The following CADPS variants were observed in gnomAD, a reference collection of about 807,000 sequenced individuals.
CADPS encodes calcium dependent secretion activator.
Under a neutral mutation model 167.3 loss-of-function variants are expected in CADPS, and 57 were observed. That is an observed-to-expected ratio of 0.34 (90% CI 0.28 to 0.42). CADPS has a LOEUF of 0.42. CADPS is among the 20% of genes least tolerant of loss of function. The pLI is 1.00. For synonymous variants in CADPS, 676 were observed against 635.3 expected, an observed-to-expected ratio of 1.06 and a Z score of -0.96; for missense variants, 1,414 against 1,738.1, an observed-to-expected ratio of 0.81 and a Z score of 3.32.
chr3:62,570,727 T>A (rs945743151), intron 9 of CADPS, 145 bp downstream of exon 9: 2 of 676,118 alleles, frequency 3.0e-6, no homozygotes, highest in Non-Finnish European at 5.3e-6. Context: ...CTCCTCTGAA[T>A]GGTGGTTACA....
chr3:62,448,623 G>GT (rs796748193), intron 26 of CADPS, among the ~76,000 whole-genome samples: 1 of 130,280 alleles, frequency 7.7e-6, no homozygotes, highest in African/African-American at 2.7e-5. Context: ...AACTTTTTTG[G>GT]GGGGGGGTGG....
At chr3:62,608,240 GA>G (rs1172426856) in intron 6 of CADPS, among the ~76,000 whole-genome samples, 7 of 145,878 alleles carry the variant, frequency 4.8e-5, no homozygotes, top group South Asian at 2.2e-4. Context: ...AACTATCTTT[GA>G]AAAAAAAATA....
At chr3:62,668,790 T>G (rs1372219816) in intron 3 of CADPS, among the ~76,000 whole-genome samples, 1 of 152,004 alleles carries the variant, frequency 6.6e-6, no homozygotes, top group Non-Finnish European at 1.5e-5. Context: ...AAATACAGAG[T>G]GGGCTCTGGG....
At chr3:62,808,879 C>G (rs780344002) in intron 1 of CADPS, among the ~76,000 whole-genome samples, 1 of 152,146 alleles carries the variant, frequency 6.6e-6, no homozygotes, top group Non-Finnish European at 1.5e-5. Context: ...ACAACCCAAA[C>G]AGAATTCTGG....
intron 1 of CADPS, among the ~76,000 whole-genome samples, chr3:62,859,223 T>C (rs2080292078): frequency 6.6e-6 from 1 of 152,186 alleles, no homozygotes; most frequent in Non-Finnish European, 1.5e-5. Context: ...AATTTATTTA[T>C]TGCCAGGTCA....
At chr3:62,772,266 A>C (rs186534813) in intron 1 of CADPS, among the ~76,000 whole-genome samples, 1 of 152,128 alleles carries the variant, frequency 6.6e-6, no homozygotes, top group African/African-American at 2.4e-5. Flanking sequence ...TCCTTACCTC[A>C]TTCTTTCTTG....
At chr3:62,834,195 G>C (rs1430260298) in intron 1 of CADPS, among the ~76,000 whole-genome samples, 4 of 152,132 alleles carry the variant, frequency 2.6e-5, no homozygotes, top group African/African-American at 4.8e-5. Context: ...ATGAAGAGGT[G>C]CTCTTCTAGA....
chr3:62,724,745 TC>T (rs914173718), intron 3 of CADPS, among the ~76,000 whole-genome samples: 1 of 152,172 alleles, frequency 6.6e-6, no homozygotes, highest in African/African-American at 2.4e-5. Context: ...CATCCTCATT[TC>T]CCCAACTCAT....
chr3:62,435,953 T>C (rs960495633), intron 28 of CADPS, among the ~76,000 whole-genome samples: 1 of 145,970 alleles, frequency 6.9e-6, no homozygotes, highest in African/African-American at 2.6e-5. Context: ...CTTTTTACTA[T>C]TAATTTACTA....
chr3:62,751,588 A>G (rs2082711892), intron 3 of CADPS, among the ~76,000 whole-genome samples: 1 of 151,908 alleles, frequency 6.6e-6, no homozygotes, highest in Admixed American at 6.6e-5. Flanking sequence ...ATGCCTGGCT[A>G]ATTTTTGTAT....
Position 62,648,101 on chromosome 3 carries a change from T to G in CADPS, c.1204-2258A>C, listed in dbSNP as rs992831355. On this transcript the variant is annotated intron_variant, in intron 5 of 29. Transcript: ENST00000383710. ...CAAGCTGCAAATTCAAATCCTAGTC[T>G]GCCCTGATGAGATGACAATCCTTTC... Among the ~76,000 whole-genome samples, 3 of 152,182 alleles carry G rather than the reference T, an allele frequency of 2.0e-5. No individual in the cohort carries two copies. The South Asian group carries it at 6.2e-4, about 32-fold the overall frequency.
intron 18 of CADPS, among the ~76,000 whole-genome samples, chr3:62,494,822 T>C (rs1378469478): frequency 1.3e-5 from 2 of 149,500 alleles, no homozygotes; most frequent in Non-Finnish European, 3.0e-5. Context: ...TTTTTTGTTG[T>C]TTGTTTGTTT....
Position 62,501,344 on chromosome 3 carries a change from T to A in CADPS, c.2600-2076A>T, listed in dbSNP as rs938303372. ...ATTTCATTCGTAGACTTTCAGGCAT[T>A]TCTACAAACATACTGTGTATATATT... On this transcript the variant is annotated intron_variant, in intron 17 of 29. Transcript: ENST00000383710. Among the ~76,000 whole-genome samples the A allele has an allele frequency of 7.2e-5, 11 of 152,334 alleles. No individual in the cohort carries two copies. In the South Asian group the frequency reaches 1.4e-3, roughly 20 times the overall value.
At chr3:62,627,636 C>G (rs923567302) in intron 6 of CADPS, among the ~76,000 whole-genome samples, 6 of 75,482 alleles carry the variant, frequency 7.9e-5, no homozygotes, top group Non-Finnish European at 3.5e-5. Flanking sequence ...TATGGTAATA[C>G]AGAATTAAAA....
chr3:62,742,376 A>C (rs1378837313), intron 3 of CADPS, among the ~76,000 whole-genome samples: 3 of 152,222 alleles, frequency 2.0e-5, no homozygotes, highest in Non-Finnish European at 4.4e-5. Context: ...ACTTCAAACT[A>C]TACTACAGGG....
At chr3:62,402,127 T>A (rs527677736) in intron 29 of CADPS, among the ~76,000 whole-genome samples, 9 of 149,412 alleles carry the variant, frequency 6.0e-5, no homozygotes, top group Non-Finnish European at 1.3e-4. Flanking sequence ...CAAATGCAGA[T>A]AATAATAATT....
chr3:62,488,328 A>G (rs940657200), intron 21 of CADPS, among the ~76,000 whole-genome samples: 1 of 152,202 alleles, frequency 6.6e-6, no homozygotes, highest in Non-Finnish European at 1.5e-5. Flanking sequence ...CACTCCTCTT[A>G]GCACATAACA....
At chr3:62,474,080 A>G in intron 24 of CADPS, 93 bp downstream of exon 24, 1 of 812,462 alleles carries the variant, frequency 1.2e-6, no homozygotes, top group Non-Finnish European at 1.9e-6. Context: ...TGAAACTAGC[A>G]GACTAGGGTA....
intron 6 of CADPS, among the ~76,000 whole-genome samples, chr3:62,595,510 C>T (rs1179041936): frequency 6.6e-6 from 1 of 152,184 alleles, no homozygotes; most frequent in African/African-American, 2.4e-5. Flanking sequence ...ATTTCACAGA[C>T]TAGTTGTAAA....
Sources: allele counts gnomAD v4.1 joint callset (sites outside exome capture counted in the v4.1 genomes callset), GRCh38; gene constraint gnomAD v4.1.1; transcripts MANE v1.5; gene names NCBI Gene and HGNC (gene_info 2026-07-23, HGNC 2026-07-21).